PAX7: variants seen among roughly 807,000 people sequenced by gnomAD.
PAX7 encodes the protein paired box 7.
Under a neutral mutation model 50.7 loss-of-function variants are expected in PAX7, and 18 were observed. That is an observed-to-expected ratio of 0.36 (90% CI 0.25 to 0.53). PAX7 has a LOEUF of 0.53. Among genes scored for constraint, PAX7 ranks in the 20% least tolerant of loss-of-function variants. The pLI is 0.93. For missense variants in PAX7, 644 were observed against 702.9 expected, an observed-to-expected ratio of 0.92 and a Z score of 0.95; for synonymous variants, 310 against 290.4, an observed-to-expected ratio of 1.07 and a Z score of -0.69.
chr1:18,641,953 T>TC (rs111618204), intron 4 of PAX7, among the ~76,000 whole-genome samples: 8,820 of 138,406 alleles, frequency 0.064, 464 homozygotes, highest in African/African-American at 0.16. Flanking sequence ...CGGATTAACC[T>TC]CCCCCCCCCC....
intron 4 of PAX7, among the ~76,000 whole-genome samples, chr1:18,644,423 A>T (rs978632344): frequency 6.6e-6 from 1 of 152,192 alleles, no homozygotes; most frequent in African/African-American, 2.4e-5. Context: ...AAATGTTGTT[A>T]TCCTTTTAGG....
At position 18,634,267 on chromosome 1, in the gene PAX7, A is replaced by G. The variant is rs752692767; in HGVS notation, c.86-36A>G. 2 of 1,547,068 alleles carry G rather than the reference A, an allele frequency of 1.3e-6. No homozygotes were observed. Among genetic ancestry groups the G allele is most frequent in the South Asian group, 1.1e-5 (1 of 87,452 alleles). ...TGTCTGCTCTCCATCCTCACCCTGC[A>G]CCTCTCTCCTTCTGCATCTCCCCTC... On this transcript the variant is annotated intron_variant, in intron 1 of 8. Transcript: ENST00000420770. The surrounding 1 kb of genome is among the most constrained non-coding windows in gnomAD (Gnocchi z 4.0).
rs769156957 is a variant in PAX7, at chr1:18,634,547, CT to C, written c.321+12del. Reference sequence around the variant, plus strand: ...GCGGCAGCAAGCCCAGAGTGAGTGTCTTTGCCACAGAGGCTGGCAGCTGGCT... The same window carrying C: ...GCGGCAGCAAGCCCAGAGTGAGTGTCTTGCCACAGAGGCTGGCAGCTGGCT... On this transcript the variant is annotated intron_variant, in intron 2 of 8. Transcript: ENST00000420770. This position sits in a 1 kb window ranked among gnomAD's most constrained non-coding sequence, Gnocchi z 4.0. The C allele has an allele frequency of 1.9e-6, 3 of 1,611,552 alleles. No homozygotes were observed. The highest frequency in any genetic ancestry group is 1.7e-4 in the Middle Eastern group (1 of 6,054).
rs1215989770 is a variant in PAX7, at chr1:18,636,250, G to T, written c.465G>T (p.Ser155=). 1 of 1,614,054 alleles carries T rather than the reference G, an allele frequency of 6.2e-7. No homozygotes were observed. The highest frequency in any genetic ancestry group is 8.5e-7 in the Non-Finnish European group (1 of 1,180,024). The change falls in exon 4 of 9, where the codon TCG becomes TCT. Residue 155 remains serine (S), a synonymous_variant. Transcript: ENST00000420770. This position sits in a 1 kb window ranked among gnomAD's most constrained non-coding sequence, Gnocchi z 5.1. The stretch of plus-strand genomic sequence containing the variant: ...TGAATTTCTGAGGTTTAGTGAGTTC[G>T]ATTAGCCGCGTGCTCAGAATCAAGT... ...RSTVPSGLVS[S]ISRVLRIKFG...
rs577024826 is a variant in PAX7 at position 18,735,501 on chromosome 1, G to A, written c.1156-131G>A. On this transcript the variant is annotated intron_variant, in intron 7 of 8. Coordinates refer to ENST00000420770, the MANE Select transcript of PAX7 (RefSeq NM_001135254.2). The surrounding 1 kb of genome is among the most constrained non-coding windows in gnomAD (Gnocchi z 4.0). ...GCAAATCAGGTAAACTGAGGACCTC[G>A]AAGCTACAGAGACTTCAAGGGAACA... 1.2e-4 allele frequency: 172 copies of A among 1,472,328 alleles called. No individual in the cohort carries two copies. The East Asian group carries it at 2.7e-3, about 23-fold the overall frequency. 91.2% of individuals were successfully genotyped at this position (1,472,328 alleles called of 1,614,324 possible).
chr1:18,746,718 G>T lies in PAX7; in HGVS notation c.*1789G>T. 4.3e-6 allele frequency: 1 copy of T among 231,580 alleles called. No individual in the cohort carries two copies. Among genetic ancestry groups the T allele is most frequent in the African/African-American group, 2.2e-5 (1 of 45,366 alleles). 14.3% of individuals were successfully genotyped at this position (231,580 alleles called of 1,614,324 possible). On this transcript the variant is annotated 3_prime_UTR_variant, in exon 9 of 9. Transcript: ENST00000420770. ...GGGCTGCTGCTCTGGGAGTCAACCT[G>T]AGTTCCTCCCTCCTGGGAAGCTGGG...
At chr1:18,650,100 G>T (rs909283559) in intron 4 of PAX7, among the ~76,000 whole-genome samples, 1 of 152,202 alleles carries the variant, frequency 6.6e-6, no homozygotes, top group Non-Finnish European at 1.5e-5. Flanking sequence ...CCTGGGAAGA[G>T]CAAGGACCAC....
chr1:18,699,752 A>G (rs913518065), intron 5 of PAX7, among the ~76,000 whole-genome samples: 12 of 151,992 alleles, frequency 7.9e-5, no homozygotes, highest in Admixed American at 1.3e-4. Flanking sequence ...TAGTAGAGAC[A>G]GGGTTTCACC....
chr1:18,683,880 G>A (rs980387400), intron 4 of PAX7, among the ~76,000 whole-genome samples: 4 of 152,152 alleles, frequency 2.6e-5, no homozygotes, highest in Non-Finnish European at 4.4e-5. Flanking sequence ...TGGAGTGTGC[G>A]GTGGGTGGTG....
intron 7 of PAX7, among the ~76,000 whole-genome samples, chr1:18,731,552 G>A (rs1024753222): frequency 4.6e-5 from 7 of 152,006 alleles, no homozygotes; most frequent in African/African-American, 7.3e-5. Flanking sequence ...CCATGAACTG[G>A]CCAATATATG....
chr1:18,635,198 C>G lies in PAX7; in HGVS notation c.409C>G (p.Leu137Val), dbSNP rs2088128772. 6.2e-7 allele frequency: 1 copy of G among 1,613,872 alleles called. No homozygotes were observed. Among genetic ancestry groups the G allele is most frequent in the Non-Finnish European group, 8.5e-7 (1 of 1,179,960 alleles). ...GMFSWEIRDRLLKDGHCDRST... is the reference protein window; with the variant it reads ...GMFSWEIRDRVLKDGHCDRST... ...GTTCAGCTGGGAGATCCGGGACAGG[C>G]TGCTGAAGGATGGGCACTGTGACCG... Residue 137 changes from leucine to valine, a missense_variant, in exon 3 of 9, where the codon CTG becomes GTG. Physicochemically the swap from Leu to Val is conservative, Grantham distance 32. Coordinates refer to ENST00000420770, the MANE Select transcript of PAX7 (RefSeq NM_001135254.2).
At chr1:18,635,808 G>A (rs1439694276) in intron 3 of PAX7, among the ~76,000 whole-genome samples, 1 of 151,082 alleles carries the variant, frequency 6.6e-6, no homozygotes, top group Non-Finnish European at 1.5e-5. Context: ...GATCTGTTGT[G>A]TGTGTGTGTG....
At position 18,643,815 on chromosome 1, in the gene PAX7, C is replaced by A. The variant is rs112282693; in HGVS notation, c.586+7444C>A. Among the ~76,000 whole-genome samples the A allele has an allele frequency of 1.6e-3, 242 of 152,324 alleles. 1 individual carries two copies. Among genetic ancestry groups the A allele is most frequent in the African/African-American group, 5.6e-3 (233 of 41,584 alleles). On this transcript the variant is annotated intron_variant, in intron 4 of 8. Transcript: ENST00000420770. ...ATCCTGCCGCTTAATTAGAGGCGAG[C>A]GAGCTGGGCCGGCAGGGCGGGAGGG...
At chr1:18,724,438 T>C (rs114165595) in intron 7 of PAX7, among the ~76,000 whole-genome samples, 3,518 of 152,320 alleles carry the variant, frequency 0.023, 126 homozygotes, top group African/African-American at 0.08. Flanking sequence ...GCTCAAACCC[T>C]CTCTGTCTGC....
intron 4 of PAX7, among the ~76,000 whole-genome samples, chr1:18,654,308 G>C (rs1245463725): frequency 6.6e-6 from 1 of 152,152 alleles, no homozygotes; most frequent in Non-Finnish European, 1.5e-5. Flanking sequence ...TTAGACCAGT[G>C]ATTAGGGGAG....
At chr1:18,698,403 G>T (rs1368800991) in intron 5 of PAX7, among the ~76,000 whole-genome samples, 2 of 151,786 alleles carry the variant, frequency 1.3e-5, no homozygotes, top group Non-Finnish European at 2.9e-5. Flanking sequence ...ATTGGCACAG[G>T]TTAGAAAGGC....
At position 18,690,137 on chromosome 1, in the gene PAX7, G is replaced by A. The variant is rs141433153; in HGVS notation, c.587-1617G>A. Among the ~76,000 whole-genome samples, 9 of 152,334 alleles carry A rather than the reference G, an allele frequency of 5.9e-5. No homozygotes were observed. In the East Asian group the frequency reaches 1.7e-3, roughly 29 times the overall value. ...GGGCTCAGGTCCTACCTTGCCCACT[G>A]CATACCTAGCCTCTTCAGGTGCATA... On this transcript the variant is annotated intron_variant, in intron 4 of 8. Transcript: ENST00000420770.
At chr1:18,665,535 C>G (rs143319073) in intron 4 of PAX7, among the ~76,000 whole-genome samples, 2,275 of 152,158 alleles carry the variant, frequency 0.015, 63 homozygotes, top group African/African-American at 0.05. Flanking sequence ...GCCACCACAC[C>G]CAGCTAATTT....
At chr1:18,731,835 C>T (rs979334976) in intron 7 of PAX7, among the ~76,000 whole-genome samples, 2 of 152,182 alleles carry the variant, frequency 1.3e-5, no homozygotes, top group African/African-American at 4.8e-5. Context: ...CTCCCTGGAC[C>T]CAAGCTGTTT....
Sources: allele counts gnomAD v4.1 joint callset (sites outside exome capture counted in the v4.1 genomes callset), GRCh38; gene constraint gnomAD v4.1.1; non-coding constraint Gnocchi (gnomAD v3.1); transcripts MANE v1.5; gene names NCBI Gene and HGNC (gene_info 2026-07-23, HGNC 2026-07-21).